Variants in RBFOX1 observed in about 807,000 individuals in gnomAD.
RBFOX1 encodes the protein RNA binding protein fox-1 homolog 1.
In RBFOX1, 8 loss-of-function variants were observed where a neutral mutation model predicts 57.7. The observed-to-expected ratio is 0.14, with a 90% confidence interval of 0.08 to 0.25. The LOEUF (loss-of-function observed/expected upper bound fraction) is 0.25, where lower values mean the gene tolerates loss of function less well. Among genes scored for constraint, RBFOX1 ranks in the 10% least tolerant of loss-of-function variants. The pLI, the probability that RBFOX1 is intolerant of heterozygous loss-of-function variation, is 1.00. For missense variants in RBFOX1, 611 were observed against 548.5 expected (o/e 1.11, Z -1.14); for synonymous variants, 326 against 222.4 (o/e 1.47, Z -4.15).
chr16:7,000,892 G>A (rs776701067), intron 3 of RBFOX1, among the ~76,000 whole-genome samples: 4 of 152,016 alleles, frequency 2.6e-5, no homozygotes, highest in Non-Finnish European at 5.9e-5. Flanking sequence ...GTGAGCCACC[G>A]CACCTGGGAA....
intron 3 of RBFOX1, among the ~76,000 whole-genome samples, chr16:6,774,838 G>A (rs760598603): frequency 5.3e-5 from 8 of 151,988 alleles, no homozygotes; most frequent in Non-Finnish European, 1.0e-4. Flanking sequence ...GGCCTACTGA[G>A]CATTTGAAAT....
intron 4 of RBFOX1, among the ~76,000 whole-genome samples, chr16:5,874,685 C>T (rs572871926): frequency 1.6e-3 from 241 of 152,214 alleles, no homozygotes; most frequent in Non-Finnish European, 2.4e-3. Flanking sequence ...TGGTTTATGC[C>T]TGTAATCCAA....
chr16:7,280,389 C>A (rs1289643705), intron 4 of RBFOX1, among the ~76,000 whole-genome samples: 1 of 152,214 alleles, frequency 6.6e-6, no homozygotes. Flanking sequence ...TTAAGAAAGA[C>A]ATGCACAGTA....
At chr16:7,125,256 C>T (rs1026706178) in intron 4 of RBFOX1, among the ~76,000 whole-genome samples, 12 of 152,090 alleles carry the variant, frequency 7.9e-5, no homozygotes, top group African/African-American at 2.7e-4. Context: ...TTGGGGTTGT[C>T]GTTCAGCCTT....
At chr16:7,299,185 C>G (rs1282216978) in intron 4 of RBFOX1, among the ~76,000 whole-genome samples, 1 of 152,196 alleles carries the variant, frequency 6.6e-6, no homozygotes, top group Admixed American at 6.5e-5. Context: ...ACCCATTTCT[C>G]CACAGTGATG....
intron 1 of RBFOX1, among the ~76,000 whole-genome samples, chr16:6,111,504 C>A (rs534419806): frequency 6.6e-6 from 1 of 152,286 alleles, no homozygotes; most frequent in Non-Finnish European, 1.5e-5. Context: ...CAGTGAATTT[C>A]TTAAAAGGAT....
chr16:7,119,147 G>T (rs1447323828), intron 4 of RBFOX1, among the ~76,000 whole-genome samples: 1 of 152,102 alleles, frequency 6.6e-6, no homozygotes, highest in Non-Finnish European at 1.5e-5. Context: ...ATCTGAGGAA[G>T]ACCATGCATT....
intron 2 of RBFOX1, among the ~76,000 whole-genome samples, chr16:6,559,957 A>C (rs1342661403): frequency 6.6e-6 from 1 of 152,166 alleles, no homozygotes; most frequent in Non-Finnish European, 1.5e-5. Context: ...GATGTTTTCC[A>C]ACCCACATGA....
At chr16:7,379,623 G>C (rs189180959) in intron 4 of RBFOX1, among the ~76,000 whole-genome samples, 2 of 152,274 alleles carry the variant, frequency 1.3e-5, no homozygotes, top group African/African-American at 2.4e-5. Context: ...CTGTTGTAGA[G>C]GTGAGGCAGA....
intron 4 of RBFOX1, among the ~76,000 whole-genome samples, chr16:5,930,925 G>A (rs928869855): frequency 2.8e-5 from 4 of 144,662 alleles, no homozygotes; most frequent in African/African-American, 1.0e-4. Flanking sequence ...TGGTTGGGTA[G>A]GTGGGAGGAT....
chr16:7,089,678 T>A (rs2060508336), intron 4 of RBFOX1, among the ~76,000 whole-genome samples: 2 of 152,206 alleles, frequency 1.3e-5, no homozygotes, highest in Admixed American at 6.5e-5. Flanking sequence ...GGAAAAATGA[T>A]GCGTGTCCCA....
At chr16:6,960,025 A>G (rs1233581331) in intron 3 of RBFOX1, among the ~76,000 whole-genome samples, 3 of 152,186 alleles carry the variant, frequency 2.0e-5, no homozygotes, top group South Asian at 2.1e-4. Context: ...AGTTTTGCCT[A>G]GGCCTTTCCT....
intron 4 of RBFOX1, among the ~76,000 whole-genome samples, chr16:7,241,650 A>G (rs749202830): frequency 1.3e-5 from 2 of 152,140 alleles, no homozygotes; most frequent in African/African-American, 2.4e-5. Context: ...TATGTTGGTC[A>G]TATTTTCAGT....
At chr16:6,774,131 A>G (rs1344552257) in intron 3 of RBFOX1, 1 of 480,980 alleles carries the variant, frequency 2.1e-6, no homozygotes, top group East Asian at 1.5e-4. Context: ...AGTTATCGGA[A>G]CAAAGACCGG....
intron 4 of RBFOX1, among the ~76,000 whole-genome samples, chr16:7,359,586 G>A (rs948641681): frequency 3.9e-5 from 6 of 152,298 alleles, no homozygotes; most frequent in African/African-American, 1.4e-4. Flanking sequence ...CGGATTTGGG[G>A]CTCTTGAGTT....
rs577941170 is a variant in RBFOX1 at position 6,095,791 on chromosome 16, C to T, written c.-127+75799C>T. ...TCAGAGGGGCAGGCTAATGACCCAC[C>T]TGAGTCTGGGATCGTTACCAACAGT... is the stretch of plus-strand genomic sequence containing the variant. On this transcript the variant is annotated intron_variant, in intron 1 of 15. Transcript: ENST00000550418. Among the ~76,000 whole-genome samples the T allele has an allele frequency of 2.4e-4, 36 of 152,294 alleles. No homozygotes were observed. The South Asian group carries it at 5.8e-3, about 25-fold the overall frequency.
chr16:6,012,155 T>G (rs1241769242), intron 4 of RBFOX1, among the ~76,000 whole-genome samples: 1 of 152,234 alleles, frequency 6.6e-6, no homozygotes, highest in African/African-American at 2.4e-5. Flanking sequence ...CTAAATTAAT[T>G]GCTTACTACC....
At chr16:5,587,830 C>T (rs1044677960) in intron 2 of RBFOX1, among the ~76,000 whole-genome samples, 16 of 152,284 alleles carry the variant, frequency 1.1e-4, no homozygotes, top group East Asian at 1.9e-4. Context: ...AAAGAGTTGT[C>T]GTATAAGCCA....
intron 2 of RBFOX1, among the ~76,000 whole-genome samples, chr16:5,526,096 C>G (rs2044234493): frequency 6.6e-6 from 1 of 152,038 alleles, no homozygotes; most frequent in Admixed American, 6.6e-5. Flanking sequence ...CAGCCCCTCT[C>G]TTTTATTTTC....
Sources: allele counts gnomAD v4.1 joint callset (sites outside exome capture counted in the v4.1 genomes callset), GRCh38; gene constraint gnomAD v4.1.1; transcripts MANE v1.5; gene names NCBI Gene and HGNC (gene_info 2026-07-23, HGNC 2026-07-21).